The following PCDH15 variants were observed in gnomAD, a reference collection of about 807,000 sequenced individuals.
PCDH15 encodes the protein protocadherin related 15, also known as protocadherin-15.
A neutral mutation model predicts 178.5 loss-of-function variants in PCDH15; 129 were observed. That is an observed-to-expected ratio of 0.72 (90% CI 0.63 to 0.84). The LOEUF is 0.84. Among genes scored for constraint, PCDH15 ranks in the 40% least tolerant of loss-of-function variants. PCDH15 has a pLI of 0.00. For missense variants in PCDH15, 2,230 were observed against 2,099.9 expected, an observed-to-expected ratio of 1.06 and a Z score of -1.21; for synonymous variants, 800 against 732.0, an observed-to-expected ratio of 1.09 and a Z score of -1.50.
At chr10:54,172,645 T>C (rs1164189482) in intron 13 of PCDH15, among the ~76,000 whole-genome samples, 1 of 152,228 alleles carries the variant, frequency 6.6e-6, no homozygotes, top group Non-Finnish European at 1.5e-5. Flanking sequence ...AAATATATTG[T>C]ACATTTTGTT....
intron 9 of PCDH15, among the ~76,000 whole-genome samples, chr10:54,225,226 G>A (rs2053300806): frequency 6.6e-6 from 1 of 152,104 alleles, no homozygotes; most frequent in South Asian, 2.1e-4. Flanking sequence ...AATGCACTTT[G>A]AACAATCTCA....
At chr10:54,529,078 A>C (rs1021106156) in intron 2 of PCDH15, among the ~76,000 whole-genome samples, 1 of 151,898 alleles carries the variant, frequency 6.6e-6, no homozygotes, top group East Asian at 1.9e-4. Context: ...TTCAAGGTTT[A>C]TTTACTTATT....
chr10:54,428,260 T>C (rs1192235686), intron 3 of PCDH15, among the ~76,000 whole-genome samples: 2 of 152,208 alleles, frequency 1.3e-5, no homozygotes, highest in Non-Finnish European at 2.9e-5. Flanking sequence ...CTGGCTAATG[T>C]AGTGATACAA....
intron 2 of PCDH15, among the ~76,000 whole-genome samples, chr10:54,985,387 A>G (rs546769854): frequency 6.6e-6 from 1 of 152,322 alleles, no homozygotes; most frequent in South Asian, 2.1e-4. Flanking sequence ...TTTAATATGT[A>G]GTATAGATGC....
At chr10:54,545,138 T>C (rs148585991) in intron 2 of PCDH15, among the ~76,000 whole-genome samples, 2,004 of 152,272 alleles carry the variant, frequency 0.013, 20 homozygotes, top group Non-Finnish European at 0.022. Context: ...AAGGAAGGCA[T>C]GTTTCCAATT....
intron 2 of PCDH15, among the ~76,000 whole-genome samples, chr10:55,484,125 G>A (rs566109640): frequency 2.2e-4 from 33 of 151,654 alleles, no homozygotes; most frequent in Middle Eastern, 3.4e-3. Context: ...AACAACACAC[G>A]CTGGGGCCTT....
chr10:54,634,567 T>A (rs1228205672), intron 2 of PCDH15, among the ~76,000 whole-genome samples: 1 of 152,020 alleles, frequency 6.6e-6, no homozygotes, highest in African/African-American at 2.4e-5. Flanking sequence ...TTTTAGAATA[T>A]GAGGCAGGCT....
intron 8 of PCDH15, among the ~76,000 whole-genome samples, chr10:54,268,645 C>T (rs899276830): frequency 4.6e-5 from 7 of 151,872 alleles, no homozygotes; most frequent in Non-Finnish European, 7.4e-5. Flanking sequence ...TTATGCTAAG[C>T]AGATGCTGGG....
At chr10:55,442,477 TATATTATA>T (rs1839215390) in intron 2 of PCDH15, among the ~76,000 whole-genome samples, 7 of 57,782 alleles carry the variant, frequency 1.2e-4, no homozygotes, top group Non-Finnish European at 2.0e-4. Context: ...ATATTATATA[TATATTATA>T]TATATATATA....
chr10:55,303,347 T>C (rs1277504867), intron 1 of PCDH15, among the ~76,000 whole-genome samples: 1 of 152,172 alleles, frequency 6.6e-6, no homozygotes, highest in Non-Finnish European at 1.5e-5. Context: ...TTGTTGTAGT[T>C]TACTGTTGAC....
chr10:55,139,047 T>G (rs1237924494), intron 2 of PCDH15, among the ~76,000 whole-genome samples: 1 of 152,098 alleles, frequency 6.6e-6, no homozygotes, highest in Non-Finnish European at 1.5e-5. Context: ...TCCTTGTGAT[T>G]TTAGTTGGCA....
chr10:55,192,741 CTA>C (rs59956617), intron 1 of PCDH15, among the ~76,000 whole-genome samples: 10 of 147,446 alleles, frequency 6.8e-5, no homozygotes, highest in South Asian at 2.2e-4. Flanking sequence ...CTCTCTCTCT[CTA>C]TATATATATA....
chr10:54,666,049 A>G (rs2094566150), intron 1 of PCDH15, among the ~76,000 whole-genome samples: 1 of 152,084 alleles, frequency 6.6e-6, no homozygotes, highest in African/African-American at 2.4e-5. Flanking sequence ...ATCATAATGG[A>G]TATAAAATAG....
chr10:54,699,345 G>A (rs114120152), intron 1 of PCDH15, among the ~76,000 whole-genome samples: 3,009 of 151,936 alleles, frequency 0.02, 85 homozygotes, highest in African/African-American at 0.067. Context: ...CCACATTTCT[G>A]AATAAAAGTC....
chr10:54,328,922 CTA>C (rs1421741507), intron 7 of PCDH15, among the ~76,000 whole-genome samples: 1 of 151,798 alleles, frequency 6.6e-6, no homozygotes, highest in Non-Finnish European at 1.5e-5. Flanking sequence ...TAATAAATGT[CTA>C]TGTTTTATAA....
In PCDH15 at chr10:54,161,104, A is replaced by G. The variant is rs139582421; in HGVS notation, c.1591-7811T>C. 3.7e-3 allele frequency among the ~76,000 whole-genome samples: 567 copies of G among 152,298 alleles called. 5 individuals carry two copies. The highest frequency in any genetic ancestry group is 0.02 in the Middle Eastern group (6 of 294). ...TACATTTCCAAAAAGTGACTTATAT[A>G]GAATATTCACAGTCACATTAAACTG... On this transcript the variant is annotated intron_variant, in intron 13 of 37. Coordinates refer to ENST00000644397, the MANE Select transcript of PCDH15 (RefSeq NM_001384140.1).
intron 2 of PCDH15, among the ~76,000 whole-genome samples, chr10:55,362,250 T>C (rs1387180888): frequency 6.6e-6 from 1 of 152,168 alleles, no homozygotes; most frequent in Non-Finnish European, 1.5e-5. Flanking sequence ...CCTAAAAAAC[T>C]ACTCGTGGTA....
chr10:53,945,837 GTATATATATATATA>G (rs56389905), intron 23 of PCDH15, among the ~76,000 whole-genome samples: 47,793 of 119,642 alleles, frequency 0.4, 9,802 homozygotes, highest in Middle Eastern at 0.56. Context: ...ATATTTCATT[GTATATATATATATA>G]TATATATATA....
rs529643180 is a variant in PCDH15 at position 55,257,784 on chromosome 10, G to C, written c.-156+61815C>G. ...AAAGTGATGGGGAGAATGGAACCAA[G>C]TTGGAAAACACTCTGCAGGATATTA... On this transcript the variant is annotated intron_variant, in intron 1 of 5. Coordinates refer to the PCDH15 transcript ENST00000458638. Among the ~76,000 whole-genome samples the C allele has an allele frequency of 2.0e-3, 299 of 152,212 alleles. 1 individual carries two copies. The highest frequency in any genetic ancestry group is 7.0e-3 in the African/African-American group (292 of 41,542).
Sources: gnomAD v4.1 joint callset for allele counts (sites outside exome capture counted in the v4.1 genomes callset) on GRCh38, gnomAD v4.1.1 for gene constraint, MANE v1.5 for transcripts, NCBI Gene and HGNC (gene_info 2026-07-23, HGNC 2026-07-21) for gene names.